ZFYVE16: variants seen among roughly 807,000 people sequenced by gnomAD.
The protein encoded by ZFYVE16 is zinc finger FYVE-type containing 16, also known as zinc finger FYVE domain-containing protein 16.
ZFYVE16 carries 89 observed loss-of-function variants against 138.1 expected under a neutral mutation model. The observed-to-expected ratio is 0.64, with a 90% confidence interval of 0.54 to 0.77. The LOEUF (loss-of-function observed/expected upper bound fraction) is 0.77, where lower values mean the gene tolerates loss of function less well. Ranked by LOEUF, ZFYVE16 falls within the 30% of genes least tolerant of loss-of-function variation. The pLI, the probability that ZFYVE16 is intolerant of heterozygous loss-of-function variation, is 0.00. For missense variants in ZFYVE16, 1,793 were observed against 1,786.7 expected, an observed-to-expected ratio of 1.00 and a Z score of -0.06; for synonymous variants, 596 against 618.3, an observed-to-expected ratio of 0.96 and a Z score of 0.53.
chr5:80,468,170 A>T (rs1286367932), intron 15 of ZFYVE16, among the ~76,000 whole-genome samples: 1 of 152,194 alleles, frequency 6.6e-6, no homozygotes, highest in Non-Finnish European at 1.5e-5. Context: ...GGGAATTTTT[A>T]TCTGGGGTTG....
At chr5:80,475,824 A>G (rs1754852336) in intron 18 of ZFYVE16, among the ~76,000 whole-genome samples, 1 of 152,244 alleles carries the variant, frequency 6.6e-6, no homozygotes, top group Non-Finnish European at 1.5e-5. Flanking sequence ...TATATCTATA[A>G]GAAAAATTCT....
chr5:80,455,707 T>C lies in ZFYVE16; in HGVS notation c.3623T>C (p.Leu1208Pro). The change falls in exon 12 of 19, where the codon CTA becomes CCA. Residue 1208 changes from leucine to proline, a missense_variant. Leu to Pro is a moderately conservative substitution (Grantham distance 98). Coordinates refer to ENST00000505560, the MANE Select transcript of ZFYVE16 (RefSeq NM_001284236.3). ...GAEYKAYPAP[L>P]TSIRGRKPLF... is the part of the protein sequence containing the mutation. ...TTATGTATAGCATATCCTGCTCCTCTAACAAGCATCAGAGGCCGAAAACCT... is the reference window on the plus strand; with the variant it reads ...TTATGTATAGCATATCCTGCTCCTCCAACAAGCATCAGAGGCCGAAAACCT... 2 of 1,601,822 alleles carry C rather than the reference T, an allele frequency of 1.2e-6. No individual in the cohort carries two copies. Among genetic ancestry groups the C allele is most frequent in the Admixed American group, 1.8e-5 (1 of 56,290 alleles).
chr5:80,447,424 G>A (rs896239342), intron 7 of ZFYVE16, among the ~76,000 whole-genome samples: 16 of 152,218 alleles, frequency 1.1e-4, no homozygotes, highest in African/African-American at 3.6e-4. Context: ...TAGCTAGCAC[G>A]CACTGTCAAT....
intron 5 of ZFYVE16, chr5:80,440,913 AG>A (rs940051995): frequency 3.2e-5 from 32 of 985,184 alleles, no homozygotes; most frequent in Non-Finnish European, 3.7e-5. Flanking sequence ...AACTTTTTTC[AG>A]CAATTCTCCA....
intron 11 of ZFYVE16, chr5:80,454,751 C>T (rs940385786): frequency 6.6e-6 from 1 of 152,254 alleles, no homozygotes; most frequent in Admixed American, 6.5e-5. Flanking sequence ...ACCTCATCAT[C>T]TACCCGCCTT....
At chr5:80,435,210 T>A (rs1362996081) in intron 3 of ZFYVE16, among the ~76,000 whole-genome samples, 1 of 152,150 alleles carries the variant, frequency 6.6e-6, no homozygotes, top group Non-Finnish European at 1.5e-5. Context: ...AATTTTTGTA[T>A]TTTTAGTAGA....
intron 12 of ZFYVE16, chr5:80,456,157 A>T: frequency 3.3e-6 from 1 of 301,792 alleles, no homozygotes; most frequent in South Asian, 5.0e-5. Context: ...CATTTATAAT[A>T]GGAAGTGTTG....
chr5:80,448,073 A>G lies in ZFYVE16; in HGVS notation c.2772A>G (p.Pro924=), dbSNP rs1158812881. ...DHSHSTTVEK[P]NNETGDITRN... is the part of the protein sequence containing the mutation. ...CCCATTCTACTACAGTGGAAAAGCC[A>G]AACAATGAGACAGGAGATATTACAA... The change falls in exon 8 of 19, where the codon CCA becomes CCG. Residue 924 remains proline (P), a synonymous_variant. Coordinates refer to ENST00000505560, the MANE Select transcript of ZFYVE16 (RefSeq NM_001284236.3). 6.2e-7 allele frequency: 1 copy of G among 1,613,386 alleles called. No homozygotes were observed. Among genetic ancestry groups the G allele is most frequent in the East Asian group, 2.2e-5 (1 of 44,834 alleles).
rs779475865 is a variant in ZFYVE16 at position 80,450,510 on chromosome 5, A to G, written c.3306A>G (p.Leu1102=). Residue 1102 remains leucine (L), a synonymous_variant, in exon 10 of 19, where the codon TTA becomes TTG. Transcript: ENST00000505560. The stretch of plus-strand genomic sequence containing the variant: ...AGGCAGAAATTATTATTCTATTGTT[A>G]TGTTTGCCAAATGAAGATACTATTC... ...LGQAEIIILL[L]CLPNEDTIPK... 4.3e-6 allele frequency: 7 copies of G among 1,613,420 alleles called. No homozygotes were observed. In the South Asian group the frequency reaches 6.6e-5, roughly 15 times the overall value.
rs754509510 is a variant in ZFYVE16 at position 80,437,968 on chromosome 5, T to G, written c.1283T>G (p.Phe428Cys). 1.2e-6 allele frequency: 2 copies of G among 1,614,040 alleles called. No homozygotes were observed. Among genetic ancestry groups the G allele is most frequent in the Non-Finnish European group, 8.5e-7 (1 of 1,179,966 alleles). Residue 428 changes from phenylalanine to cysteine, a missense_variant, in exon 4 of 19, where the codon TTC becomes TGC. Phe to Cys is a radical substitution (Grantham distance 205). Coordinates refer to ENST00000505560, the MANE Select transcript of ZFYVE16 (RefSeq NM_001284236.3). ...QNSVVLGGEP[F>C]KENDLLKQEK... is the part of the protein sequence containing the mutation. ...AGTGTTGTTCTAGGTGGGGAACCAT[T>G]CAAAGAGAATGATCTTTTGAAACAG...
intron 11 of ZFYVE16, chr5:80,453,920 C>T (rs1192717732): frequency 6.6e-6 from 1 of 152,180 alleles, no homozygotes; most frequent in Non-Finnish European, 1.5e-5. Context: ...CCCTTTGTAA[C>T]TCAGATAGTA....
intron 11 of ZFYVE16, among the ~76,000 whole-genome samples, chr5:80,453,513 G>T (rs1055068678): frequency 6.6e-6 from 1 of 152,184 alleles, no homozygotes; most frequent in African/African-American, 2.4e-5. Flanking sequence ...AATACGAAGG[G>T]CTTATCATAA....
intron 4 of ZFYVE16, 30 bp from the exon 5 acceptor site, chr5:80,439,906 A>G: frequency 1.3e-6 from 2 of 1,583,336 alleles, no homozygotes; most frequent in Non-Finnish European, 1.7e-6. Context: ...TCTTGAAACA[A>G]AGACAAATTT....
At chr5:80,416,930 G>A (rs1391354083) in intron 1 of ZFYVE16, among the ~76,000 whole-genome samples, 2 of 152,096 alleles carry the variant, frequency 1.3e-5, no homozygotes, top group Admixed American at 6.5e-5. Context: ...ATACTAACCT[G>A]TATTACACAT....
rs1038921417 is a variant in ZFYVE16, at chr5:80,478,107, T to A, written c.*730T>A. 3.3e-5 allele frequency: 5 copies of A among 152,110 alleles called. No individual in the cohort carries two copies. Among genetic ancestry groups the A allele is most frequent in the Non-Finnish European group, 7.4e-5 (5 of 67,972 alleles). 9.4% of individuals were successfully genotyped at this position (152,110 alleles called of 1,614,324 possible). A position where few individuals can be genotyped will look rare whatever the true frequency, so the allele number is the denominator to read the frequency against. On this transcript the variant is annotated 3_prime_UTR_variant, in exon 19 of 19. Coordinates refer to ENST00000505560, the MANE Select transcript of ZFYVE16 (RefSeq NM_001284236.3). The stretch of plus-strand genomic sequence containing the variant: ...TTTTATAGCAAGAACATATTCTGAA[T>A]GTTTTATAAATCTTTAATAATTTAT...
chr5:80,451,198 G>A (rs954720640), intron 10 of ZFYVE16, among the ~76,000 whole-genome samples: 1 of 152,096 alleles, frequency 6.6e-6, no homozygotes, highest in Non-Finnish European at 1.5e-5. Flanking sequence ...ACTTGACCAT[G>A]CCGTAAGGAG....
At chr5:80,424,890 A>G (rs149271140) in intron 1 of ZFYVE16, among the ~76,000 whole-genome samples, 175 of 152,372 alleles carry the variant, frequency 1.1e-3, no homozygotes, top group African/African-American at 3.1e-3. Flanking sequence ...TGCCAAACCA[A>G]TGTTATTGAA....
chr5:80,447,224 G>A (rs572671952), intron 7 of ZFYVE16, among the ~76,000 whole-genome samples: 1 of 135,474 alleles, frequency 7.4e-6, no homozygotes, highest in Non-Finnish European at 1.5e-5. Flanking sequence ...CCAGGATTGC[G>A]CCAATGTACT....
At chr5:80,473,618 A>G in intron 16 of ZFYVE16, 136 bp from the exon 17 acceptor site, 2 of 549,866 alleles carry the variant, frequency 3.6e-6, no homozygotes, top group Non-Finnish European at 6.2e-6. Flanking sequence ...TGTGAACTAC[A>G]GATTTAGTTA....
Sources: gnomAD v4.1 joint callset for allele counts (sites outside exome capture counted in the v4.1 genomes callset) on GRCh38, gnomAD v4.1.1 for gene constraint, MANE v1.5 for transcripts, NCBI Gene and HGNC (gene_info 2026-07-23, HGNC 2026-07-21) for gene names.